CASK: variants seen among roughly 807,000 people sequenced by gnomAD.
The protein encoded by CASK is peripheral plasma membrane protein CASK.
A neutral mutation model predicts 82.9 loss-of-function variants in CASK; 4 were observed. That is an observed-to-expected ratio of 0.05 (90% CI 0.02 to 0.11). The LOEUF is 0.11. Ranked by LOEUF, CASK falls within the 10% of genes least tolerant of loss-of-function variation. CASK has a pLI of 1.00. For missense variants in CASK, 358 were observed against 720.9 expected, an observed-to-expected ratio of 0.50 and a Z score of 5.76; for synonymous variants, 259 against 253.5, an observed-to-expected ratio of 1.02 and a Z score of -0.20.
intron 1 of CASK, among the ~76,000 whole-genome samples, chrX:41,876,756 T>TGA (rs1179001201): frequency 8.9e-6 from 1 of 112,352 alleles, no homozygotes; most frequent in Non-Finnish European, 1.9e-5. Context: ...TCCTTTCTGC[T>TGA]GAAAGACTGC....
intron 5 of CASK, chrX:41,695,922 G>A (rs1042307922): frequency 1.7e-6 from 2 of 1,207,597 alleles, no homozygotes; most frequent in Non-Finnish European, 2.2e-6. Context: ...ACTTAACGTA[G>A]CCATTGCAGA....
intron 3 of CASK, among the ~76,000 whole-genome samples, chrX:41,774,228 G>T (rs2069305297): frequency 9.0e-6 from 1 of 110,562 alleles, no homozygotes; most frequent in South Asian, 3.8e-4. Context: ...AAGCTGATAA[G>T]CAACTTCAGC....
In CASK at chrX:41,923,117, C is replaced by T; in HGVS notation, c.-129G>A. On this transcript the variant is annotated 5_prime_UTR_variant, in exon 1 of 27. Coordinates refer to ENST00000378163, the MANE Select transcript of CASK (RefSeq NM_001367721.1). ...ACCCGCGAGCCCTCGGTGCCGAGGACGCTCGAGTGGGGCCGCGAGGCCCAG... is the reference window on the plus strand; with the variant it reads ...ACCCGCGAGCCCTCGGTGCCGAGGATGCTCGAGTGGGGCCGCGAGGCCCAG... 1.9e-6 allele frequency: 1 copy of T among 517,052 alleles called. No individual in the cohort carries two copies. The highest frequency in any genetic ancestry group is 3.9e-5 in the East Asian group (1 of 25,944). 42.6% of individuals were successfully genotyped at this position (517,052 alleles called of 1,213,427 possible). A position where few individuals can be genotyped will look rare whatever the true frequency, so the allele number is the denominator to read the frequency against.
chrX:41,689,231 T>C (rs1428444438), intron 5 of CASK: 1 of 111,925 alleles, frequency 8.9e-6, no homozygotes, highest in Non-Finnish European at 1.9e-5. Context: ...ACTGAGTAAA[T>C]TGCTTGAATG....
chrX:41,835,452 A>G (rs769518096), intron 2 of CASK, among the ~76,000 whole-genome samples: 4 of 112,091 alleles, frequency 3.6e-5, no homozygotes, highest in Non-Finnish European at 7.5e-5. Flanking sequence ...ATATTGCTAT[A>G]TTTCCCGAAT....
intron 8 of CASK, among the ~76,000 whole-genome samples, chrX:41,642,865 G>T (rs1569362211): frequency 8.9e-6 from 1 of 111,949 alleles, no homozygotes; most frequent in Non-Finnish European, 1.9e-5. Flanking sequence ...TTCTTCTAGG[G>T]TTTTTATGGT....
At chrX:41,803,604 C>A (rs1189297822) in intron 2 of CASK, among the ~76,000 whole-genome samples, 1 of 110,831 alleles carries the variant, frequency 9.0e-6, no homozygotes, top group Non-Finnish European at 1.9e-5. Flanking sequence ...ACAACAACAA[C>A]AAAAAACTAA....
At position 41,708,718 on chromosome X, in the gene CASK, G is replaced by A. The variant is rs772610054; in HGVS notation, c.429+30666C>T. On this transcript the variant is annotated intron_variant, in intron 5 of 26. Coordinates refer to ENST00000378163, the MANE Select transcript of CASK (RefSeq NM_001367721.1). ...TCTAGCTGGAAAATAGTGCAATGTG[G>A]GCAGTTTATGCGTCAGCAAAAGTGG... Among the ~76,000 whole-genome samples the A allele has an allele frequency of 2.7e-5, 3 of 112,129 alleles. No homozygotes were observed. In the South Asian group the frequency reaches 1.1e-3, roughly 41 times the overall value.
intron 1 of CASK, among the ~76,000 whole-genome samples, chrX:41,860,763 A>G: frequency 8.9e-6 from 1 of 112,590 alleles, no homozygotes; most frequent in Non-Finnish European, 1.9e-5. Context: ...AACCAAAGAA[A>G]AAAAAGTTTT....
chrX:41,553,945 G>A, intron 20 of CASK, 30 bp from the exon 21 acceptor site: 1 of 1,046,288 alleles, frequency 9.6e-7, no homozygotes, highest in Non-Finnish European at 1.3e-6. Flanking sequence ...AAGAAAGGAT[G>A]CCATAGTGAT....
intron 2 of CASK, among the ~76,000 whole-genome samples, chrX:41,812,193 T>C (rs1376884809): frequency 3.6e-5 from 4 of 111,803 alleles, no homozygotes; most frequent in African/African-American, 1.3e-4. Context: ...CTTCTGAAAC[T>C]ATTCCAATCA....
At position 41,853,140 on chromosome X, in the gene CASK, T is replaced by C. The variant is rs1303620048; in HGVS notation, c.147A>G (p.Thr49=). The change falls in exon 2 of 27, where the codon ACA becomes ACG. Residue 49 remains threonine (T), a synonymous_variant. Coordinates refer to ENST00000378163, the MANE Select transcript of CASK (RefSeq NM_001367721.1). ...AVKIVDVAKF[T]SSPGLSTEDL... ...CTTCTGTACTTAACCCTGGACTTGA[T>C]GTGAACTTGGCTACATCAACAATTT... 6.7e-6 allele frequency: 8 copies of C among 1,197,578 alleles called. No individual in the cohort carries two copies. Among genetic ancestry groups the C allele is most frequent in the Admixed American group, 2.2e-5 (1 of 46,022 alleles).
At chrX:41,710,342 T>C (rs1475327992) in intron 5 of CASK, among the ~76,000 whole-genome samples, 1 of 111,110 alleles carries the variant, frequency 9.0e-6, no homozygotes, top group Non-Finnish European at 1.9e-5. Context: ...TTGCCTCACG[T>C]AATTCAATGC....
intron 5 of CASK, chrX:41,696,545 T>A: frequency 8.3e-7 from 1 of 1,208,712 alleles, no homozygotes; most frequent in African/African-American, 1.7e-5. Context: ...GGAAAGAAAT[T>A]GTTCACAAAA....
chrX:41,644,932 T>G (rs1447715106), intron 8 of CASK, among the ~76,000 whole-genome samples: 1 of 111,688 alleles, frequency 9.0e-6, no homozygotes, highest in Admixed American at 9.6e-5. Context: ...TAAGATGTTA[T>G]CAATGACAAT....
At chrX:41,585,754 AAAAAAAAGAAAAAG>A (rs1463146415) in intron 14 of CASK, 1 of 110,186 alleles carries the variant, frequency 9.1e-6, no homozygotes, top group Non-Finnish European at 1.9e-5. Flanking sequence ...TCAAAAAAAA[AAAAAAAAGAAAAAG>A]AAAAAAAGAA....
chrX:41,569,724 T>C lies in CASK; in HGVS notation c.1526A>G (p.Glu509Gly). 2 of 1,157,025 alleles carry C rather than the reference T, an allele frequency of 1.7e-6. No homozygotes were observed. Among genetic ancestry groups the C allele is most frequent in the Non-Finnish European group, 2.4e-6 (2 of 849,449 alleles). Reference protein sequence around the residue: ...EPMGITLKMNELNHCIVARIM... With the variant: ...EPMGITLKMNGLNHCIVARIM... ...TCTTGCAACAATACAATGATTTAGT[T>C]CATTCATTTTTAAAGTGATTCCCTG... The change falls in exon 16 of 27, where the codon GAA (glutamate) becomes GGA (glycine). Residue 509 changes from glutamate to glycine, a missense_variant. By Grantham distance (98) the Glu-to-Gly change is moderately conservative (BLOSUM62 -2). Around this residue, in one of 5 missense-constraint regions of CASK, gnomAD observed 110 missense variants for 218.8 expected, o/e 0.50. Transcript: ENST00000378163.
intron 1 of CASK, among the ~76,000 whole-genome samples, chrX:41,881,991 A>C (rs1248636792): frequency 9.0e-6 from 1 of 111,348 alleles, no homozygotes; most frequent in African/African-American, 3.3e-5. Flanking sequence ...AGCGAAGATA[A>C]CACCACCTAT....
At chrX:41,754,597 T>C (rs1271883211) in intron 3 of CASK, among the ~76,000 whole-genome samples, 1 of 111,357 alleles carries the variant, frequency 9.0e-6, no homozygotes, top group Non-Finnish European at 1.9e-5. Context: ...CTGGCAAGAC[T>C]GATAACAAAA....
Sources: gnomAD v4.1 joint callset for allele counts (sites outside exome capture counted in the v4.1 genomes callset) on GRCh38, gnomAD v4.1.1 for gene constraint, gnomAD v4.1.1 regional missense constraint, MANE v1.5 for transcripts, NCBI Gene and HGNC (gene_info 2026-07-23, HGNC 2026-07-21) for gene names.